PABPN1L: variants seen among roughly 807,000 people sequenced by gnomAD.
PABPN1L encodes the protein PABPN1 like, cytoplasmic, also known as embryonic polyadenylate-binding protein 2.
PABPN1L carries 45 observed loss-of-function variants against 34.0 expected under a neutral mutation model. That is an observed-to-expected ratio of 1.32 (90% confidence interval 1.04 to 1.70). The LOEUF (loss-of-function observed/expected upper bound fraction) is 1.70, where lower values mean the gene tolerates loss of function less well. PABPN1L is among the 40% of genes most tolerant of loss of function. The pLI is 0.00. For synonymous variants in PABPN1L, 182 were observed against 152.1 expected, an observed-to-expected ratio of 1.20 and a Z score of -1.45; for missense variants, 459 against 367.8, an observed-to-expected ratio of 1.25 and a Z score of -2.03.
chr16:88,864,778 G>C (rs570607146), intron 5 of PABPN1L, 75 bp downstream of exon 5: 6 of 1,435,816 alleles, frequency 4.2e-6, no homozygotes, highest in Non-Finnish European at 4.8e-6. Context: ...GCCAGCTGGG[G>C]CTGCTGTGTG....
upstream of PABPN1L, among the ~76,000 whole-genome samples, chr16:88,867,290 C>T (rs571453005): frequency 6.0e-5 from 9 of 150,726 alleles, no homozygotes; most frequent in Non-Finnish European, 1.2e-4. Context: ...TGCGGTGGCG[C>T]GATCTCGGCT....
exon 7 of PABPN1L, chr16:88,863,350 C>A: frequency 3.5e-6 from 1 of 288,130 alleles, no homozygotes; most frequent in Non-Finnish European, 6.6e-6. Context: ...TTAAAAAGAG[C>A]CCAAGTTTAA....
At chr16:88,868,464 G>A (rs187604593), upstream of PABPN1L, among the ~76,000 whole-genome samples, 547 of 152,280 alleles carry the variant, frequency 3.6e-3, 4 homozygotes, top group African/African-American at 0.013. Flanking sequence ...CAATTAGCCA[G>A]GCATGGTGGC....
At chr16:88,869,703 C>T (rs1968662710), upstream of PABPN1L, among the ~76,000 whole-genome samples, 1 of 152,262 alleles carries the variant, frequency 6.6e-6, no homozygotes, top group South Asian at 2.1e-4. Flanking sequence ...CAGTTCCATC[C>T]AAGACCAGAG....
At chr16:88,865,327 G>A (rs1206360304) in intron 3 of PABPN1L, among the ~76,000 whole-genome samples, 199 bp from the exon 4 acceptor site, 1 of 151,422 alleles carries the variant, frequency 6.6e-6, no homozygotes, top group East Asian at 1.9e-4. Flanking sequence ...CTGGAGAGCT[G>A]GAGCCTTTTA....
At chr16:88,866,764 C>T, upstream of PABPN1L, 3 of 1,070,758 alleles carry the variant, frequency 2.8e-6, no homozygotes, top group Non-Finnish European at 3.9e-6. Context: ...GAGCTTCCAG[C>T]CTTGGCTCCC....
At chr16:88,864,449 C>G (rs1968534253) in intron 5 of PABPN1L, 70 bp from the exon 6 acceptor site, 3 of 1,486,106 alleles carry the variant, frequency 2.0e-6, no homozygotes, top group Non-Finnish European at 2.7e-6. Flanking sequence ...CCCCGCAGCC[C>G]CCACCACCCC....
chr16:88,864,281 G>A (rs372331360), exon 6 of PABPN1L: 362 of 1,551,586 alleles, frequency 2.3e-4, no homozygotes, highest in South Asian at 3.7e-4. Flanking sequence ...CCTGGAGGCC[G>A]CTGTGGGGGA....
upstream of PABPN1L, among the ~76,000 whole-genome samples, chr16:88,867,641 G>A (rs544863613): frequency 1.3e-5 from 2 of 152,118 alleles, no homozygotes; most frequent in Non-Finnish European, 2.9e-5. Context: ...GGGTCTCCGT[G>A]GGGAGTGACG....
In PABPN1L at chr16:88,864,297, GC is replaced by G. The variant is rs748478548; in HGVS notation, c.736del (p.Ala246HisfsTer40). ...CTGGAGGCCGCTGTGGGGGAAGGGT[GC>G]CCCCCTGGAGCCTGGGTGTCCTCGA... On this transcript the variant is annotated frameshift_variant, in exon 6 of 7. Transcript: ENST00000419291. LOFTEE classifies it high-confidence loss of function. 1.4e-5 allele frequency: 21 copies of G among 1,554,706 alleles called. No homozygotes were observed. Among genetic ancestry groups the G allele is most frequent in the Admixed American group, 1.9e-5 (1 of 52,118 alleles).
intron 1 of PABPN1L, 52 bp from the exon 2 acceptor site, chr16:88,865,993 G>A: frequency 6.5e-7 from 1 of 1,532,374 alleles, no homozygotes; most frequent in Admixed American, 2.0e-5. Context: ...CTCTGCTCAA[G>A]GAAGGTGGGT....
rs118018297 is a variant in PABPN1L, at chr16:88,864,747, A to G, written c.654+106T>C. The G allele has an allele frequency of 6.7e-4, 842 of 1,247,988 alleles. 9 individuals carry two copies. In the East Asian group the frequency reaches 0.015, roughly 22 times the overall value. 77.3% of individuals were successfully genotyped at this position (1,247,988 alleles called of 1,614,324 possible). On this transcript the variant is annotated intron_variant, in intron 5 of 6. Coordinates refer to ENST00000419291, the Ensembl canonical transcript of PABPN1L. ...CAGGCCCAGCCAAGCACCGTGCCTG[A>G]GACACGCTGTGCAGAGAGGAGCCAG...
chr16:88,867,635 C>T (rs1968629820), upstream of PABPN1L, among the ~76,000 whole-genome samples: 1 of 151,914 alleles, frequency 6.6e-6, no homozygotes, highest in African/African-American at 2.4e-5. Context: ...GGGGCGGGGT[C>T]TCCGTGGGGA....
intron 3 of PABPN1L, 82 bp from the exon 4 acceptor site, chr16:88,865,210 C>A: frequency 1.4e-6 from 2 of 1,428,904 alleles, no homozygotes; most frequent in South Asian, 2.5e-5. Flanking sequence ...AGGAAAGAAA[C>A]CCCAAGGCTG....
At chr16:88,863,638 A>T (rs1198369394) in exon 7 of PABPN1L, 2 of 1,291,688 alleles carry the variant, frequency 1.5e-6, no homozygotes, top group Non-Finnish European at 2.2e-6. Context: ...GCTGCTCTGG[A>T]CACCCCTCTC....
At chr16:88,866,215 C>T in intron 1 of PABPN1L, 137 bp downstream of exon 1, 1 of 1,383,242 alleles carries the variant, frequency 7.2e-7, no homozygotes, top group Non-Finnish European at 9.6e-7. Context: ...TCCTTGCCAC[C>T]TTCGTCCAGG....
At chr16:88,868,177 T>A (rs1968637844), upstream of PABPN1L, among the ~76,000 whole-genome samples, 1 of 152,210 alleles carries the variant, frequency 6.6e-6, no homozygotes, top group Admixed American at 6.5e-5. Context: ...TTCTCACCTC[T>A]GTAAAAGCCA....
chr16:88,867,808 C>T (rs1160505464), upstream of PABPN1L, among the ~76,000 whole-genome samples: 1 of 152,222 alleles, frequency 6.6e-6, no homozygotes, highest in Non-Finnish European at 1.5e-5. Flanking sequence ...GCCTTCATCT[C>T]CAGTGCTGCC....
At chr16:88,865,126 C>T (rs1397777664) in exon 4 of PABPN1L, 5 of 1,567,028 alleles carry the variant, frequency 3.2e-6, no homozygotes, top group Admixed American at 3.7e-5. Context: ...CCCCGTAGTC[C>T]ACCTGCACCC....
Sources: gnomAD v4.1 joint callset for allele counts (sites outside exome capture counted in the v4.1 genomes callset) on GRCh38, gnomAD v4.1.1 for gene constraint, MANE v1.5 for transcripts, NCBI Gene and HGNC (gene_info 2026-07-23, HGNC 2026-07-21) for gene names.